The following SYT10 variants were observed in gnomAD, a reference collection of about 807,000 sequenced individuals.
The protein encoded by SYT10 is synaptotagmin 10, also known as synaptotagmin-10.
In SYT10, 31 loss-of-function variants were observed where a neutral mutation model predicts 51.1. That is an observed-to-expected ratio of 0.61 (90% confidence interval 0.46 to 0.82). The LOEUF is 0.82. Ranked by LOEUF, SYT10 falls within the 40% of genes least tolerant of loss-of-function variation. The pLI is 0.00. For synonymous variants in SYT10, 233 were observed against 225.9 expected (o/e 1.03, Z -0.28); for missense variants, 603 against 634.0 (o/e 0.95, Z 0.53).
intron 3 of SYT10, among the ~76,000 whole-genome samples, chr12:33,401,334 C>G (rs1315947568): frequency 6.6e-6 from 1 of 152,084 alleles, no homozygotes; most frequent in African/African-American, 2.4e-5. Flanking sequence ...TATGATTATT[C>G]CCTATGCTGG....
intron 3 of SYT10, among the ~76,000 whole-genome samples, chr12:33,396,096 A>G (rs1319199176): frequency 6.6e-6 from 1 of 152,182 alleles, no homozygotes; most frequent in Non-Finnish European, 1.5e-5. Flanking sequence ...AATAATGATT[A>G]TATGATCTAG....
chr12:33,418,204 C>A lies in SYT10; in HGVS notation c.509+7934G>T, dbSNP rs1409017589. On this transcript the variant is annotated intron_variant, in intron 2 of 6. Coordinates refer to ENST00000228567, the MANE Select transcript of SYT10 (RefSeq NM_198992.4). Reference sequence around the variant, plus strand: ...TCATCCCACCCGGGCTTAGCACACTCCTCTGACAGCTACTCTCTCCTGGGA... The same window carrying A: ...TCATCCCACCCGGGCTTAGCACACTACTCTGACAGCTACTCTCTCCTGGGA... 2.6e-5 allele frequency among the ~76,000 whole-genome samples: 4 copies of A among 152,242 alleles called. No homozygotes were observed. The East Asian group carries it at 7.7e-4, about 29-fold the overall frequency.
At chr12:33,381,110 G>C (rs1866110786) in intron 5 of SYT10, among the ~76,000 whole-genome samples, 1 of 152,028 alleles carries the variant, frequency 6.6e-6, no homozygotes, top group African/African-American at 2.4e-5. Context: ...AATCAATAGG[G>C]GTAATTGGCA....
At chr12:33,388,829 G>A (rs982866547) in intron 3 of SYT10, among the ~76,000 whole-genome samples, 5 of 152,154 alleles carry the variant, frequency 3.3e-5, no homozygotes, top group African/African-American at 1.2e-4. Flanking sequence ...TTTTTTCCAT[G>A]TAGTCTCTTT....
chr12:33,417,198 C>A (rs1315570633), intron 2 of SYT10, among the ~76,000 whole-genome samples: 2 of 152,040 alleles, frequency 1.3e-5, no homozygotes, highest in African/African-American at 2.4e-5. Flanking sequence ...AGAGGCAGAG[C>A]CTGTACTGTA....
chr12:33,382,269 G>T, intron 5 of SYT10, 80 bp downstream of exon 5: 1 of 1,244,420 alleles, frequency 8.0e-7, no homozygotes, highest in Non-Finnish European at 1.0e-6. Context: ...TGTTGTGGCA[G>T]TAAATGACCT....
intron 5 of SYT10, among the ~76,000 whole-genome samples, chr12:33,381,147 C>T (rs1283187115): frequency 2.0e-5 from 3 of 152,120 alleles, no homozygotes; most frequent in African/African-American, 7.2e-5. Context: ...CTGATGAAAA[C>T]ATCTGCAACT....
intron 4 of SYT10, among the ~76,000 whole-genome samples, chr12:33,383,295 T>A (rs1320929275): frequency 1.1e-5 from 1 of 94,942 alleles, no homozygotes; most frequent in Non-Finnish European, 2.4e-5. Context: ...TGCTATCAAT[T>A]TTTTTTTCAT....
chr12:33,408,724 A>T (rs1311148705), intron 2 of SYT10, among the ~76,000 whole-genome samples: 1 of 152,192 alleles, frequency 6.6e-6, no homozygotes, highest in Non-Finnish European at 1.5e-5. Context: ...ATTTCTAAAC[A>T]GATGTCTTCA....
intron 3 of SYT10, among the ~76,000 whole-genome samples, chr12:33,400,922 A>T (rs931088260): frequency 1.3e-5 from 2 of 152,036 alleles, no homozygotes; most frequent in African/African-American, 4.8e-5. Context: ...CTAATTCAGG[A>T]GGCTGAGGCG....
chr12:33,426,138 C>T lies in SYT10; in HGVS notation c.509G>A (p.Arg170His), dbSNP rs749504334. The stretch of plus-strand genomic sequence containing the variant: ...TTTTATATATTTAATCTTTCCTTAC[C>T]GGGTTGATGACGTAGGCTCAGTAAT... ...RQITEPTSSTRHSSFRRHLPR... is the reference protein window; with the variant it reads ...RQITEPTSSTHHSSFRRHLPR... Residue 170 changes from arginine to histidine, a missense_variant and splice_region_variant, in exon 2 of 7, where the codon CGC becomes CAC. Coordinates refer to ENST00000228567, the MANE Select transcript of SYT10 (RefSeq NM_198992.4). 63 of 1,593,340 alleles carry T rather than the reference C, an allele frequency of 4.0e-5. No homozygotes were observed. The highest frequency in any genetic ancestry group is 5.1e-5 in the Non-Finnish European group (60 of 1,172,944).
At chr12:33,407,910 G>A (rs1866373661) in intron 2 of SYT10, 1 of 152,178 alleles carries the variant, frequency 6.6e-6, no homozygotes, top group African/African-American at 2.4e-5. Context: ...ACACGTGGCT[G>A]GCCAATGTTA....
At chr12:33,428,205 T>C (rs1866568001) in intron 1 of SYT10, among the ~76,000 whole-genome samples, 1 of 152,240 alleles carries the variant, frequency 6.6e-6, no homozygotes, top group Admixed American at 6.5e-5. Flanking sequence ...GAAGTACTTA[T>C]GGTCATGCAA....
chr12:33,413,854 G>T (rs967569593), intron 2 of SYT10, among the ~76,000 whole-genome samples: 5 of 152,126 alleles, frequency 3.3e-5, no homozygotes, highest in African/African-American at 7.2e-5. Context: ...AAATGTAAAT[G>T]GGCTAAATGC....
intron 3 of SYT10, among the ~76,000 whole-genome samples, chr12:33,401,959 T>G (rs1866310787): frequency 6.6e-6 from 1 of 152,250 alleles, no homozygotes. Flanking sequence ...GACAAATACC[T>G]GCAGAATGTT....
At chr12:33,437,267 C>G (rs1195668055) in intron 1 of SYT10, among the ~76,000 whole-genome samples, 1 of 152,114 alleles carries the variant, frequency 6.6e-6, no homozygotes, top group Non-Finnish European at 1.5e-5. Context: ...ATCGAATACC[C>G]CACTTGTATA....
rs773448127 is a variant in SYT10 at position 33,439,438 on chromosome 12, C to T, written c.85G>A (p.Val29Met). The change falls in exon 1 of 7, where the codon GTG becomes ATG. Residue 29 changes from valine to methionine, a missense_variant. Physicochemically the swap from Val to Met is conservative, Grantham distance 21. Coordinates refer to ENST00000228567, the MANE Select transcript of SYT10 (RefSeq NM_198992.4). ...IVTELCFAGQ[V>M]EWEKCSGIFP... ...ATGCCCGAGCACTTCTCCCACTCCACCTGGCCGGCGAAGCACAGCTCGGTG... is the reference window on the plus strand; with the variant it reads ...ATGCCCGAGCACTTCTCCCACTCCATCTGGCCGGCGAAGCACAGCTCGGTG... 1.2e-6 allele frequency: 2 copies of T among 1,614,266 alleles called. No individual in the cohort carries two copies. The highest frequency in any genetic ancestry group is 2.2e-5 in the East Asian group (1 of 44,872).
chr12:33,387,372 A>T (rs1866165537), intron 3 of SYT10, among the ~76,000 whole-genome samples: 1 of 152,222 alleles, frequency 6.6e-6, no homozygotes, highest in Non-Finnish European at 1.5e-5. Context: ...CTCACTTCAC[A>T]AGGGTTGTAA....
At chr12:33,385,313 T>C (rs1866148479) in intron 3 of SYT10, 22 bp from the exon 4 acceptor site, 1 of 1,610,926 alleles carries the variant, frequency 6.2e-7, no homozygotes. Context: ...ATCGGCATGT[T>C]AGCAATTTCA....
Sources: allele counts gnomAD v4.1 joint callset (sites outside exome capture counted in the v4.1 genomes callset), GRCh38; gene constraint gnomAD v4.1.1; transcripts MANE v1.5; gene names NCBI Gene and HGNC (gene_info 2026-07-23, HGNC 2026-07-21).